Variants in PDE1A observed in about 807,000 individuals in gnomAD.
PDE1A encodes phosphodiesterase 1A, also known as dual specificity calcium/calmodulin-dependent 3',5'-cyclic nucleotide phosphodiesterase 1A.
In PDE1A, 35 loss-of-function variants were observed where a neutral mutation model predicts 61.7. The ratio of observed to expected loss-of-function variants is 0.57; its 90% CI spans 0.43 to 0.75. The LOEUF (loss-of-function observed/expected upper bound fraction) is 0.75. Ranked by LOEUF, PDE1A falls within the 30% of genes least tolerant of loss-of-function variation. The probability of loss-of-function intolerance (pLI) is 0.00; values close to 1 mark genes in which losing one functional copy is unlikely to be tolerated. For synonymous variants in PDE1A, 232 were observed against 213.2 expected (o/e 1.09, Z -0.77); for missense variants, 597 against 630.6 (o/e 0.95, Z 0.57).
At chr2:182,695,556 A>G in the PDE1A span, among the ~76,000 whole-genome samples, 1 of 151,768 alleles carries the variant, frequency 6.6e-6, no homozygotes. Flanking sequence ...AGTCCCAGCT[A>G]CTTGGGAGGC....
chr2:182,218,553 C>CCTAA (rs148528347), intron 7 of PDE1A, among the ~76,000 whole-genome samples: 2 of 152,062 alleles, frequency 1.3e-5, no homozygotes, highest in Admixed American at 6.6e-5. Context: ...CCAACATCTT[C>CCTAA]CTAACTTTTA....
intron 13 of PDE1A, among the ~76,000 whole-genome samples, chr2:182,157,829 T>C (rs1691179461): frequency 6.6e-6 from 1 of 152,152 alleles, no homozygotes. Context: ...CCCCCAGAAA[T>C]AAATGTTTTT....
chr2:182,194,985 G>GC (rs3835907), intron 10 of PDE1A, among the ~76,000 whole-genome samples: 34,714 of 151,218 alleles, frequency 0.23, 4,482 homozygotes, highest in East Asian at 0.32. Flanking sequence ...CTACTTTTCT[G>GC]ATTTTTTGAA....
At chr2:182,463,097 C>G (rs1234684923) in intron 2 of PDE1A, among the ~76,000 whole-genome samples, 17 of 151,906 alleles carry the variant, frequency 1.1e-4, no homozygotes, top group Admixed American at 1.0e-3. Flanking sequence ...AATAATTAGC[C>G]AGGCGTGATG....
the PDE1A span, among the ~76,000 whole-genome samples, chr2:182,596,323 A>G: frequency 3.9e-5 from 6 of 152,168 alleles, no homozygotes; most frequent in Admixed American, 3.3e-4. Context: ...CGAAGAGCAC[A>G]GAGTGATCAA....
chr2:182,287,349 A>G (rs1477344294), intron 1 of PDE1A, among the ~76,000 whole-genome samples: 2 of 152,128 alleles, frequency 1.3e-5, no homozygotes, highest in African/African-American at 4.8e-5. Flanking sequence ...ATTCTACATA[A>G]AACTTATGAG....
rs1016549546 is a variant in PDE1A at position 182,205,850 on chromosome 2, A to C, written c.902+90T>G. On this transcript the variant is annotated intron_variant, in intron 8 of 13. Coordinates refer to ENST00000351439, the Ensembl canonical transcript of PDE1A. ...ATTAAGTTTGTAATTTGGGGAATGC[A>C]TCGACTTTCATCTTTTTTCTTGACT... The C allele has an allele frequency of 3.4e-6, 4 of 1,170,094 alleles. No homozygotes were observed. The African/African-American group carries it at 6.1e-5, about 18-fold the overall frequency. 72.5% of individuals were successfully genotyped at this position (1,170,094 alleles called of 1,614,324 possible).
At chr2:182,500,190 G>T (rs1480590196) in intron 2 of PDE1A, among the ~76,000 whole-genome samples, 1 of 152,054 alleles carries the variant, frequency 6.6e-6, no homozygotes, top group Non-Finnish European at 1.5e-5. Context: ...GGAAAAACAA[G>T]AAGTTATACT....
chr2:182,483,155 T>G (rs1178398809), intron 2 of PDE1A, among the ~76,000 whole-genome samples: 4 of 151,904 alleles, frequency 2.6e-5, no homozygotes, highest in Non-Finnish European at 4.4e-5. Context: ...GCTGTATACT[T>G]ACACACAGAG....
intron 2 of PDE1A, among the ~76,000 whole-genome samples, chr2:182,507,398 T>C (rs1689480696): frequency 6.6e-6 from 1 of 152,232 alleles, no homozygotes; most frequent in African/African-American, 2.4e-5. Context: ...GGTAGTTAAC[T>C]GTTTGGTTTA....
intron 1 of PDE1A, among the ~76,000 whole-genome samples, chr2:182,393,500 T>C (rs1483711043): frequency 6.6e-6 from 1 of 152,236 alleles, no homozygotes; most frequent in East Asian, 1.9e-4. Context: ...TGGCTCCTCA[T>C]TGCTTATGCA....
At chr2:182,511,848 C>G (rs1689816021) in intron 2 of PDE1A, among the ~76,000 whole-genome samples, 1 of 152,208 alleles carries the variant, frequency 6.6e-6, no homozygotes, top group African/African-American at 2.4e-5. Context: ...CCAACAGACC[C>G]TGTCTGACCA....
At chr2:182,564,832 C>T in the PDE1A span, among the ~76,000 whole-genome samples, 1 of 152,190 alleles carries the variant, frequency 6.6e-6, no homozygotes, top group Non-Finnish European at 1.5e-5. Flanking sequence ...CCCTTTCTTC[C>T]AGTTGATCGC....
intron 13 of PDE1A, among the ~76,000 whole-genome samples, chr2:182,181,006 T>C (rs1316431572): frequency 6.6e-6 from 1 of 152,090 alleles, no homozygotes; most frequent in African/African-American, 2.4e-5. Context: ...ATCAATGTTC[T>C]TAGCTTCTTT....
the PDE1A span, among the ~76,000 whole-genome samples, chr2:182,660,703 C>G: frequency 6.6e-6 from 1 of 152,178 alleles, no homozygotes; most frequent in African/African-American, 2.4e-5. Flanking sequence ...GCCCAGACAA[C>G]AGCTAGAAAG....
intron 11 of PDE1A, among the ~76,000 whole-genome samples, chr2:182,186,937 G>A (rs1212253273): frequency 1.3e-5 from 2 of 151,950 alleles, no homozygotes; most frequent in African/African-American, 4.8e-5. Context: ...TCAACACCAG[G>A]GATCATTATC....
the PDE1A span, among the ~76,000 whole-genome samples, chr2:182,686,209 A>T: frequency 6.6e-6 from 1 of 152,168 alleles, no homozygotes; most frequent in Non-Finnish European, 1.5e-5. Flanking sequence ...AAATGAAAAA[A>T]ATCTATTAAT....
At chr2:182,364,492 A>AAAAAAAAAC (rs1559379282) in intron 1 of PDE1A, among the ~76,000 whole-genome samples, 2 of 145,048 alleles carry the variant, frequency 1.4e-5, no homozygotes, top group Non-Finnish European at 3.0e-5. Context: ...AAAAAAAAAA[A>AAAAAAAAAC]AAAAAAACCT....
chr2:182,431,866 A>G (rs1435531743), upstream of PDE1A, among the ~76,000 whole-genome samples: 2 of 152,076 alleles, frequency 1.3e-5, no homozygotes, highest in African/African-American at 2.4e-5. Context: ...GAGAGTTTCT[A>G]TTCTTCTTCT....
Sources: gnomAD v4.1 joint callset for allele counts (sites outside exome capture counted in the v4.1 genomes callset) on GRCh38, gnomAD v4.1.1 for gene constraint, MANE v1.5 for transcripts, NCBI Gene and HGNC (gene_info 2026-07-23, HGNC 2026-07-21) for gene names.